PTDSS1: variants seen among roughly 807,000 people sequenced by gnomAD.
The protein encoded by PTDSS1 is phosphatidylserine synthase 1, also known as PSS-1.
PTDSS1 carries 45 observed loss-of-function variants against 70.5 expected under a neutral mutation model. That is an observed-to-expected ratio of 0.64 (90% confidence interval 0.50 to 0.82). The LOEUF is 0.82. PTDSS1 is among the 40% of genes least tolerant of loss of function. The pLI, the probability that PTDSS1 is intolerant of heterozygous loss-of-function variation, is 0.00. For synonymous variants in PTDSS1, 188 were observed against 203.8 expected (o/e 0.92, Z 0.66); for missense variants, 417 against 586.1 (o/e 0.71, Z 2.98).
At chr8:96,323,499 C>G (rs1178360120) in intron 10 of PTDSS1, among the ~76,000 whole-genome samples, 1 of 152,120 alleles carries the variant, frequency 6.6e-6, no homozygotes, top group Non-Finnish European at 1.5e-5. Flanking sequence ...TATAGCTTAT[C>G]CCTCCCAGAG....
intron 9 of PTDSS1, among the ~76,000 whole-genome samples, chr8:96,318,533 A>C (rs1811327992): frequency 6.6e-6 from 1 of 152,178 alleles, no homozygotes; most frequent in South Asian, 2.1e-4. Flanking sequence ...AATACCAAAC[A>C]TGTAACTGCC....
intron 1 of PTDSS1, among the ~76,000 whole-genome samples, chr8:96,270,546 G>T (rs957054962): frequency 2.6e-5 from 4 of 152,152 alleles, no homozygotes; most frequent in African/African-American, 9.7e-5. Context: ...TCTAAATGAG[G>T]TGGGGACACC....
intron 2 of PTDSS1, among the ~76,000 whole-genome samples, chr8:96,277,480 T>C (rs1586184788): frequency 1.3e-5 from 2 of 152,356 alleles, no homozygotes; most frequent in Admixed American, 1.3e-4. Flanking sequence ...TCTTGTCCTC[T>C]TATTTTCCAT....
chr8:96,313,559 C>A (rs752667207), intron 9 of PTDSS1, among the ~76,000 whole-genome samples: 1 of 152,194 alleles, frequency 6.6e-6, no homozygotes, highest in Non-Finnish European at 1.5e-5. Flanking sequence ...TCGCCTGGTC[C>A]TGGGAGGAAG....
intron 5 of PTDSS1, among the ~76,000 whole-genome samples, chr8:96,295,627 G>A (rs899050128): frequency 2.0e-5 from 3 of 152,176 alleles, no homozygotes; most frequent in Admixed American, 2.0e-4. Flanking sequence ...TAATAGAATT[G>A]TGTGTTCAAG....
chr8:96,295,043 G>A, intron 4 of PTDSS1, 55 bp from the exon 5 acceptor site: 1 of 1,503,226 alleles, frequency 6.7e-7, no homozygotes. Context: ...CAGAATCCTG[G>A]AAGCAAGTTG....
In PTDSS1 at chr8:96,336,624, T is replaced by A. The variant is rs1202979982; in HGVS notation, c.*3058T>A. The A allele has an allele frequency of 6.6e-6, 1 of 151,904 alleles. No homozygotes were observed. Among genetic ancestry groups the A allele is most frequent in the Non-Finnish European group, 1.5e-5 (1 of 68,032 alleles). 9.4% of individuals were successfully genotyped at this position (151,904 alleles called of 1,614,324 possible). ...TGGGCGTTGTTTATATGGTTCTTAT[T>A]GTTATGACAACTAGAAATCCCACAG... is the stretch of plus-strand genomic sequence containing the variant. On this transcript the variant is annotated 3_prime_UTR_variant, in exon 13 of 13. Transcript: ENST00000517309.
At chr8:96,271,659 C>A (rs1454320619) in intron 1 of PTDSS1, among the ~76,000 whole-genome samples, 1 of 152,172 alleles carries the variant, frequency 6.6e-6, no homozygotes, top group African/African-American at 2.4e-5. Context: ...TATACTGCTA[C>A]CAGCAATGTA....
Position 96,334,957 on chromosome 8 carries a change from C to A in PTDSS1, c.*1391C>A, listed in dbSNP as rs1811574405. 1 of 152,138 alleles carries A rather than the reference C, an allele frequency of 6.6e-6. No homozygotes were observed. The allele number at this position is 152,138 out of a possible 1,614,324, so 9.4% of individuals were successfully genotyped here. ...AGGAAATCTTTAGCCATAGAAGTGT[C>A]ACTTTTTTTTTTTCTGCAAAAGAAT... On this transcript the variant is annotated 3_prime_UTR_variant, in exon 13 of 13. Transcript: ENST00000517309.
At chr8:96,329,320 C>G (rs978731535) in intron 10 of PTDSS1, among the ~76,000 whole-genome samples, 1 of 146,402 alleles carries the variant, frequency 6.8e-6, no homozygotes, top group Admixed American at 7.0e-5. Context: ...GTTCTGGTTG[C>G]TTTGCTTGCA....
chr8:96,266,669 G>T (rs1202628673), intron 1 of PTDSS1, among the ~76,000 whole-genome samples: 1 of 152,146 alleles, frequency 6.6e-6, no homozygotes, highest in South Asian at 2.1e-4. Context: ...GCTGACACTA[G>T]CAATGTTAAA....
chr8:96,310,113 G>A (rs1034319946), intron 9 of PTDSS1, among the ~76,000 whole-genome samples: 18 of 151,694 alleles, frequency 1.2e-4, no homozygotes, highest in East Asian at 3.9e-4. Context: ...CAGCCTGGGC[G>A]ATAGAGTGAG....
intron 8 of PTDSS1, among the ~76,000 whole-genome samples, chr8:96,308,964 C>A (rs931885604): frequency 1.3e-5 from 2 of 152,084 alleles, no homozygotes; most frequent in Admixed American, 1.3e-4. Flanking sequence ...GGGTCCCATT[C>A]CAGTTTCTGA....
chr8:96,280,570 AAAAC>A (rs1325767122), intron 2 of PTDSS1, among the ~76,000 whole-genome samples: 3 of 152,182 alleles, frequency 2.0e-5, no homozygotes, highest in African/African-American at 7.2e-5. Context: ...TCGTCTCAAA[AAAAC>A]AAAAAAGAAA....
At chr8:96,329,764 G>T (rs566420520) in intron 10 of PTDSS1, among the ~76,000 whole-genome samples, 2 of 152,178 alleles carry the variant, frequency 1.3e-5, no homozygotes, top group Non-Finnish European at 2.9e-5. Context: ...GTGTTTGTCC[G>T]TGGGCCCTCA....
intron 10 of PTDSS1, among the ~76,000 whole-genome samples, chr8:96,321,966 C>G (rs1330265117): frequency 6.6e-6 from 1 of 152,308 alleles, no homozygotes; most frequent in East Asian, 1.9e-4. Context: ...TCACTATGCT[C>G]TTCTCAGATA....
At chr8:96,268,830 G>C (rs1276036069) in intron 1 of PTDSS1, among the ~76,000 whole-genome samples, 1 of 152,130 alleles carries the variant, frequency 6.6e-6, no homozygotes, top group Non-Finnish European at 1.5e-5. Context: ...TCTGCAAGGG[G>C]AGAGGGAAGT....
At chr8:96,288,973 C>A (rs1810864242) in intron 4 of PTDSS1, among the ~76,000 whole-genome samples, 1 of 151,552 alleles carries the variant, frequency 6.6e-6, no homozygotes, top group Admixed American at 6.6e-5. Flanking sequence ...CTCGCTCTGT[C>A]ACCCAGGCTG....
intron 10 of PTDSS1, among the ~76,000 whole-genome samples, chr8:96,322,588 C>G (rs1811386996): frequency 6.6e-6 from 1 of 152,130 alleles, no homozygotes; most frequent in Admixed American, 6.5e-5. Context: ...CTTAAAGGCC[C>G]CACCTCCCAA....
Sources: gnomAD v4.1 joint callset for allele counts (sites outside exome capture counted in the v4.1 genomes callset) on GRCh38, gnomAD v4.1.1 for gene constraint, MANE v1.5 for transcripts, NCBI Gene and HGNC (gene_info 2026-07-23, HGNC 2026-07-21) for gene names.